The following SGCZ variants were observed in gnomAD, a reference collection of about 807,000 sequenced individuals.
The protein encoded by SGCZ is zeta-sarcoglycan.
A neutral mutation model predicts 41.3 loss-of-function variants in SGCZ; 40 were observed. The observed-to-expected ratio is 0.97, with a 90% CI of 0.75 to 1.26. SGCZ has a LOEUF of 1.26. Among genes scored for constraint, SGCZ ranks in the 50% most tolerant of loss-of-function variants. The pLI, the probability that SGCZ is intolerant of heterozygous loss-of-function variation, is 0.00. For missense variants in SGCZ, 552 were observed against 369.8 expected (o/e 1.49, Z -4.04); for synonymous variants, 206 against 137.5 (o/e 1.50, Z -3.49).
intron 1 of SGCZ, among the ~76,000 whole-genome samples, chr8:15,195,046 A>T (rs1341302196): frequency 6.6e-6 from 1 of 152,210 alleles, no homozygotes; most frequent in East Asian, 1.9e-4. Context: ...TTGCCATCCA[A>T]AAAAATAAAC....
rs202094431 is a variant in SGCZ at position 14,164,706 on chromosome 8, T to G, written c.425-4A>C. The G allele has an allele frequency of 1.2e-6, 2 of 1,612,838 alleles. No homozygotes were observed. Among genetic ancestry groups the G allele is most frequent in the East Asian group, 2.2e-5 (1 of 44,858 alleles). On this transcript the variant is annotated splice_region_variant and splice_polypyrimidine_tract_variant and intron_variant, in intron 4 of 7. Coordinates refer to ENST00000382080, the MANE Select transcript of SGCZ (RefSeq NM_139167.4). ...TGAGCTTCCACAGCATCAGCTCCTA[T>G]GGTCAGAGGAAAGGTTTAAAAATGA... is the stretch of plus-strand genomic sequence containing the variant.
chr8:14,325,045 C>T (rs138677224), intron 2 of SGCZ, among the ~76,000 whole-genome samples: 9 of 152,020 alleles, frequency 5.9e-5, no homozygotes, highest in East Asian at 3.9e-4. Context: ...ATTTTGGAGC[C>T]GGAGAAAGGA....
chr8:14,100,474 T>C (rs999973171), intron 7 of SGCZ, among the ~76,000 whole-genome samples: 2 of 149,750 alleles, frequency 1.3e-5, no homozygotes, highest in African/African-American at 4.9e-5. Flanking sequence ...CAAAGTATTG[T>C]AGTCTACAAC....
chr8:14,825,354 T>C (rs1034680140), intron 1 of SGCZ, among the ~76,000 whole-genome samples: 5 of 152,194 alleles, frequency 3.3e-5, no homozygotes, highest in Admixed American at 6.5e-5. Context: ...ATCTTTACAA[T>C]TTTTTAATAC....
chr8:14,141,806 C>G (rs1803378928), intron 5 of SGCZ, among the ~76,000 whole-genome samples: 1 of 152,094 alleles, frequency 6.6e-6, no homozygotes, highest in African/African-American at 2.4e-5. Context: ...CCCAGCCATC[C>G]CATTACTGGG....
At chr8:14,787,644 T>G (rs1800812295) in intron 1 of SGCZ, among the ~76,000 whole-genome samples, 1 of 151,976 alleles carries the variant, frequency 6.6e-6, no homozygotes, top group Non-Finnish European at 1.5e-5. Context: ...GTTGGGAGTT[T>G]GAGACCAGCC....
At chr8:14,613,579 A>T (rs933479916) in intron 1 of SGCZ, among the ~76,000 whole-genome samples, 1 of 152,186 alleles carries the variant, frequency 6.6e-6, no homozygotes, top group Non-Finnish European at 1.5e-5. Context: ...TCCTATGCTC[A>T]ATCATTAAAA....
At chr8:15,187,474 A>G (rs1800382313) in intron 1 of SGCZ, among the ~76,000 whole-genome samples, 1 of 152,104 alleles carries the variant, frequency 6.6e-6, no homozygotes, top group Non-Finnish European at 1.5e-5. Flanking sequence ...ATACGAAATT[A>G]AATTTGATGT....
At chr8:14,776,341 A>G (rs1258419134) in intron 1 of SGCZ, among the ~76,000 whole-genome samples, 1 of 151,884 alleles carries the variant, frequency 6.6e-6, no homozygotes, top group East Asian at 1.9e-4. Flanking sequence ...GGTTTTATAA[A>G]TGCAAGTTCC....
chr8:14,734,460 T>C (rs926866257), intron 1 of SGCZ, among the ~76,000 whole-genome samples: 3 of 152,222 alleles, frequency 2.0e-5, no homozygotes, highest in Admixed American at 2.0e-4. Flanking sequence ...ACAAAGTTTG[T>C]CTTTTTATAC....
chr8:14,821,744 A>C (rs2130570443), intron 1 of SGCZ, among the ~76,000 whole-genome samples: 1 of 152,212 alleles, frequency 6.6e-6, no homozygotes, highest in South Asian at 2.1e-4. Context: ...AGGCAGAAAA[A>C]GCATTTGACA....
intron 1 of SGCZ, among the ~76,000 whole-genome samples, chr8:14,814,954 A>T (rs978102704): frequency 6.6e-6 from 1 of 152,096 alleles, no homozygotes; most frequent in Non-Finnish European, 1.5e-5. Context: ...GACATTAAAA[A>T]AAGAAAACTA....
chr8:15,007,683 T>C (rs1802654874), intron 1 of SGCZ, among the ~76,000 whole-genome samples: 1 of 152,214 alleles, frequency 6.6e-6, no homozygotes, highest in Non-Finnish European at 1.5e-5. Context: ...CGCATTTAAA[T>C]AAAAGGGAAT....
chr8:14,848,244 T>G (rs1037741672), intron 1 of SGCZ, among the ~76,000 whole-genome samples: 1 of 152,204 alleles, frequency 6.6e-6, no homozygotes, highest in Admixed American at 6.5e-5. Context: ...CTGGTGTTAA[T>G]GGGTAGGAAA....
At chr8:14,974,173 G>A (rs1585427040) in intron 1 of SGCZ, among the ~76,000 whole-genome samples, 2 of 152,204 alleles carry the variant, frequency 1.3e-5, no homozygotes, top group African/African-American at 2.4e-5. Flanking sequence ...AAATTTCAGT[G>A]TAGAAAAGGA....
intron 1 of SGCZ, among the ~76,000 whole-genome samples, chr8:14,934,294 T>A (rs1800015489): frequency 6.6e-6 from 1 of 151,976 alleles, no homozygotes; most frequent in African/African-American, 2.4e-5. Context: ...GTACTGGGAC[T>A]ACTGTATATA....
intron 2 of SGCZ, among the ~76,000 whole-genome samples, chr8:14,533,164 G>T (rs1346720053): frequency 1.3e-5 from 2 of 151,508 alleles, no homozygotes; most frequent in Non-Finnish European, 2.9e-5. Flanking sequence ...CCCACAACAG[G>T]CCCCGGTGTG....
intron 2 of SGCZ, among the ~76,000 whole-genome samples, chr8:14,389,703 C>T (rs1563297888): frequency 6.6e-6 from 1 of 151,636 alleles, no homozygotes; most frequent in Non-Finnish European, 1.5e-5. Context: ...AAGTGTTAAG[C>T]GGCAAGAGGA....
intron 1 of SGCZ, among the ~76,000 whole-genome samples, chr8:14,635,087 T>C (rs1806785805): frequency 1.3e-5 from 2 of 151,792 alleles, no homozygotes; most frequent in African/African-American, 4.8e-5. Flanking sequence ...ATAGAAATTT[T>C]ATCTTTAAGG....
Sources: gnomAD v4.1 joint callset for allele counts (sites outside exome capture counted in the v4.1 genomes callset) on GRCh38, gnomAD v4.1.1 for gene constraint, MANE v1.5 for transcripts, NCBI Gene and HGNC (gene_info 2026-07-23, HGNC 2026-07-21) for gene names.